The following CCSER1 variants were observed in gnomAD, a reference collection of about 807,000 sequenced individuals.
CCSER1 encodes serine-rich coiled-coil domain-containing protein 1.
In CCSER1, 41 loss-of-function variants were observed where a neutral mutation model predicts 82.0. That is an observed-to-expected ratio of 0.50 (90% CI 0.39 to 0.65). The LOEUF (loss-of-function observed/expected upper bound fraction) is 0.65, where lower values mean the gene tolerates loss of function less well. Ranked by LOEUF, CCSER1 falls within the 30% of genes least tolerant of loss-of-function variation. CCSER1 has a pLI of 0.00. For synonymous variants in CCSER1, 414 were observed against 383.9 expected (o/e 1.08, Z -0.92); for missense variants, 1,119 against 1,064.2 (o/e 1.05, Z -0.72).
At chr4:91,492,600 T>C (rs532463981) in intron 10 of CCSER1, among the ~76,000 whole-genome samples, 22 of 152,230 alleles carry the variant, frequency 1.4e-4, no homozygotes, top group Non-Finnish European at 2.8e-4. Flanking sequence ...TCAGTTGATG[T>C]CATGGCGTGA....
intron 8 of CCSER1, among the ~76,000 whole-genome samples, chr4:90,817,727 A>C (rs75711287): frequency 0.022 from 3,327 of 152,252 alleles, 127 homozygotes; most frequent in African/African-American, 0.076. Context: ...AATTTTACTT[A>C]GAGGAAACAT....
chr4:91,116,045 C>T (rs1380022017), intron 10 of CCSER1, among the ~76,000 whole-genome samples: 1 of 151,766 alleles, frequency 6.6e-6, no homozygotes, highest in Admixed American at 6.6e-5. Flanking sequence ...GTGATGTTCT[C>T]CTTCCTGTGT....
chr4:90,780,604 G>A (rs1057057232), intron 7 of CCSER1: 8 of 1,461,640 alleles, frequency 5.5e-6, no homozygotes, highest in Non-Finnish European at 6.3e-6. Context: ...AAAAGAAATA[G>A]GCAAAGGACA....
chr4:90,933,889 C>T (rs567476989), intron 9 of CCSER1, among the ~76,000 whole-genome samples: 32 of 151,796 alleles, frequency 2.1e-4, no homozygotes, highest in South Asian at 1.5e-3. Flanking sequence ...CATTCAATCA[C>T]GTGAATATTT....
chr4:91,352,061 GT>G (rs1748506399), intron 10 of CCSER1, among the ~76,000 whole-genome samples: 2 of 152,134 alleles, frequency 1.3e-5, no homozygotes, highest in Admixed American at 1.3e-4. Context: ...TTGATTGCAA[GT>G]GATAAAATAA....
intron 9 of CCSER1, among the ~76,000 whole-genome samples, chr4:90,946,142 T>C (rs1732210947): frequency 2.0e-5 from 3 of 152,084 alleles, no homozygotes; most frequent in African/African-American, 7.2e-5. Flanking sequence ...CTAATAATTA[T>C]AATGATTGAT....
At chr4:91,097,571 GCTT>G (rs1724632626) in intron 10 of CCSER1, among the ~76,000 whole-genome samples, 1 of 152,164 alleles carries the variant, frequency 6.6e-6, no homozygotes, top group Admixed American at 6.5e-5. Context: ...TTATAAAAAT[GCTT>G]CTTAAACATC....
rs552943928 is a variant in CCSER1, at chr4:90,891,823, G to A, written c.2095-31547G>A. Among the ~76,000 whole-genome samples the A allele has an allele frequency of 3.3e-5, 5 of 152,072 alleles. No homozygotes were observed. The East Asian group carries it at 9.7e-4, about 29-fold the overall frequency. ...TTTTGCAAGGTATTTTTCTTTTGCT[G>A]ATCAATAATTTCAAATACTGCTCTA... On this transcript the variant is annotated intron_variant, in intron 8 of 10. Transcript: ENST00000509176.
intron 10 of CCSER1, among the ~76,000 whole-genome samples, chr4:91,206,663 C>T (rs1213350308): frequency 1.3e-5 from 2 of 151,834 alleles, no homozygotes; most frequent in African/African-American, 4.8e-5. Flanking sequence ...AAGACTCTAG[C>T]TCCTGTTTCA....
At chr4:91,537,723 T>C (rs1214712695) in intron 10 of CCSER1, among the ~76,000 whole-genome samples, 2 of 152,070 alleles carry the variant, frequency 1.3e-5, no homozygotes, top group East Asian at 3.9e-4. Flanking sequence ...AAATAATGAC[T>C]TAAAAAAATG....
At chr4:90,480,395 G>C (rs1335205594) in intron 5 of CCSER1, among the ~76,000 whole-genome samples, 1 of 152,146 alleles carries the variant, frequency 6.6e-6, no homozygotes, top group African/African-American at 2.4e-5. Flanking sequence ...GATCCCATTT[G>C]TCACTTTTGG....
At chr4:90,391,672 A>C (rs1751174756) in intron 3 of CCSER1, among the ~76,000 whole-genome samples, 1 of 151,352 alleles carries the variant, frequency 6.6e-6, no homozygotes, top group Admixed American at 6.6e-5. Flanking sequence ...ACAAATTATA[A>C]ATGAGAGTTG....
intron 3 of CCSER1, among the ~76,000 whole-genome samples, chr4:90,381,250 T>G (rs924556218): frequency 6.6e-6 from 1 of 152,220 alleles, no homozygotes; most frequent in Non-Finnish European, 1.5e-5. Flanking sequence ...CAGGCAGGCC[T>G]TCATTTTAAC....
At chr4:90,973,326 A>G (rs1220152350) in intron 9 of CCSER1, among the ~76,000 whole-genome samples, 1 of 151,770 alleles carries the variant, frequency 6.6e-6, no homozygotes, top group African/African-American at 2.4e-5. Flanking sequence ...ATAGAAGAAA[A>G]CAAATAACCT....
At chr4:90,387,245 A>G (rs1461784115) in intron 3 of CCSER1, among the ~76,000 whole-genome samples, 1 of 152,082 alleles carries the variant, frequency 6.6e-6, no homozygotes. Flanking sequence ...TTAAAAAAAA[A>G]CCTCTATGAT....
At position 90,781,916 on chromosome 4, in the gene CCSER1, C is replaced by T. The variant is rs949959207; in HGVS notation, c.2011-33846C>T. 1.3e-5 allele frequency: 12 copies of T among 928,368 alleles called. No homozygotes were observed. The South Asian group carries it at 2.0e-4, about 15-fold the overall frequency. The allele number at this position is 928,368 out of a possible 1,614,324, so 57.5% of individuals were successfully genotyped here. A position where few individuals can be genotyped will look rare whatever the true frequency, so the allele number is the denominator to read the frequency against. ...TGTACCTTACAAAAAAAGATAAAAT[C>T]GTATTGAAGAGACTGTTGAATATGA... On this transcript the variant is annotated intron_variant, in intron 7 of 10. Coordinates refer to ENST00000509176, the MANE Select transcript of CCSER1 (RefSeq NM_001145065.2).
At chr4:90,526,981 CCCA>C (rs1252777352) in intron 5 of CCSER1, among the ~76,000 whole-genome samples, 16 of 152,312 alleles carry the variant, frequency 1.1e-4, no homozygotes, top group Non-Finnish European at 2.4e-4. Flanking sequence ...AATTTACACT[CCCA>C]CCAACAGTGT....
intron 9 of CCSER1, among the ~76,000 whole-genome samples, chr4:91,084,015 C>A (rs1472349894): frequency 6.6e-6 from 1 of 152,182 alleles, no homozygotes; most frequent in African/African-American, 2.4e-5. Flanking sequence ...ACTGTAACCT[C>A]TGCTTTCTGG....
At chr4:90,151,180 C>A (rs115654566) in intron 1 of CCSER1, among the ~76,000 whole-genome samples, 4,428 of 151,806 alleles carry the variant, frequency 0.029, 108 homozygotes, top group South Asian at 0.06. Flanking sequence ...CTAAGAAAAT[C>A]GTACTTATAC....
Sources: allele counts gnomAD v4.1 joint callset (sites outside exome capture counted in the v4.1 genomes callset), GRCh38; gene constraint gnomAD v4.1.1; transcripts MANE v1.5; gene names NCBI Gene and HGNC (gene_info 2026-07-23, HGNC 2026-07-21).